Variants in FBXL13 observed in about 807,000 individuals in gnomAD.
FBXL13 encodes the protein F-box and leucine-rich repeat protein 13.
A neutral mutation model predicts 83.6 loss-of-function variants in FBXL13; 67 were observed. The ratio of observed to expected loss-of-function variants is 0.80; its 90% CI spans 0.66 to 0.98. FBXL13 has a LOEUF of 0.98. FBXL13 is among the 50% of genes least tolerant of loss of function. The pLI is 0.00. For missense variants in FBXL13, 822 were observed against 866.5 expected, an observed-to-expected ratio of 0.95 and a Z score of 0.64; for synonymous variants, 272 against 299.5, an observed-to-expected ratio of 0.91 and a Z score of 0.95.
intron 7 of FBXL13, among the ~76,000 whole-genome samples, chr7:102,964,233 C>T (rs937732140): frequency 6.6e-6 from 1 of 151,512 alleles, no homozygotes; most frequent in African/African-American, 2.4e-5. Flanking sequence ...ATTGCCTGAA[C>T]CTGAGAGGTG....
Position 102,813,537 on chromosome 7 carries a change from ATAACAG to A in FBXL13, c.2019-12_2019-7del. 1 of 1,613,476 alleles carries A rather than the reference ATAACAG, an allele frequency of 6.2e-7. No homozygotes were observed. The highest frequency in any genetic ancestry group is 8.5e-7 in the Non-Finnish European group (1 of 1,179,684). ...ACATTCTTTGAGCTGCCTTCCTGTA[ATAACAG>A]TGCTTAGCATTAGCTAGTTGCAGAA... On this transcript the variant is annotated splice_polypyrimidine_tract_variant and splice_region_variant and intron_variant, in intron 19 of 19. Coordinates refer to ENST00000313221, the Ensembl canonical transcript of FBXL13.
chr7:102,883,374 G>A (rs763961910), exon 14 of FBXL13: 2 of 1,613,758 alleles, frequency 1.2e-6, no homozygotes, highest in South Asian at 2.2e-5. Flanking sequence ...GCTGCTGTCT[G>A]TTATTCCCTT....
intron 16 of FBXL13, among the ~76,000 whole-genome samples, chr7:102,862,559 C>A (rs1454772459): frequency 6.6e-6 from 1 of 152,142 alleles, no homozygotes; most frequent in African/African-American, 2.4e-5. Flanking sequence ...CAACACAGTT[C>A]TGGTTAGTTT....
At chr7:102,947,224 A>T (rs1822680183) in intron 8 of FBXL13, among the ~76,000 whole-genome samples, 3 of 152,208 alleles carry the variant, frequency 2.0e-5, no homozygotes. Flanking sequence ...TGATGATGGA[A>T]AAAGCCTGGT....
chr7:103,065,567 C>G (rs1798316014), intron 1 of FBXL13, among the ~76,000 whole-genome samples: 1 of 152,090 alleles, frequency 6.6e-6, no homozygotes, highest in South Asian at 2.1e-4. Context: ...TAAAGAGATT[C>G]TAATAAAGAA....
At chr7:103,039,045 A>G (rs1795379652) in intron 2 of FBXL13, among the ~76,000 whole-genome samples, 1 of 152,214 alleles carries the variant, frequency 6.6e-6, no homozygotes. Flanking sequence ...GCATGTTCTA[A>G]CCCATCCCAA....
At chr7:103,005,975 T>C (rs543678909) in intron 6 of FBXL13, among the ~76,000 whole-genome samples, 1 of 152,192 alleles carries the variant, frequency 6.6e-6, no homozygotes, top group East Asian at 1.9e-4. Context: ...TACCAGGCTA[T>C]CCTTCCCAAT....
chr7:102,940,654 A>G (rs1821244088), intron 8 of FBXL13, among the ~76,000 whole-genome samples: 1 of 152,232 alleles, frequency 6.6e-6, no homozygotes, highest in African/African-American at 2.4e-5. Flanking sequence ...CCAGAGCCAG[A>G]CATATTATAT....
intron 8 of FBXL13, among the ~76,000 whole-genome samples, chr7:102,938,494 A>G (rs1463814815): frequency 6.6e-6 from 1 of 152,194 alleles, no homozygotes; most frequent in Non-Finnish European, 1.5e-5. Flanking sequence ...CCTCCTCAAA[A>G]TCAACAAGAT....
chr7:103,074,593 C>G (rs1799461404), upstream of FBXL13: 2 of 1,249,402 alleles, frequency 1.6e-6, no homozygotes, highest in Non-Finnish European at 2.1e-6. Context: ...CCACTCCTCC[C>G]CAATCCCGAA....
At chr7:102,908,634 A>T (rs1814146119) in intron 11 of FBXL13, among the ~76,000 whole-genome samples, 1 of 152,210 alleles carries the variant, frequency 6.6e-6, no homozygotes, top group African/African-American at 2.4e-5. Context: ...AAGCCCAGTA[A>T]TGCTGTGGTT....
exon 2 of FBXL13, chr7:103,055,661 A>G (rs75711176): frequency 0.07 from 88,258 of 1,269,898 alleles, 3,975 homozygotes; most frequent in East Asian, 0.28. Context: ...GATTCTGAAG[A>G]CCACTTTTGA....
intron 9 of FBXL13, 67 bp downstream of exon 10, chr7:102,931,814 A>T (rs368738037): frequency 2.1e-6 from 3 of 1,445,752 alleles, no homozygotes; most frequent in Non-Finnish European, 2.9e-6. Flanking sequence ...TCTATTCTGC[A>T]TATTGGCACC....
At chr7:103,038,443 G>C (rs1042246277) in intron 2 of FBXL13, among the ~76,000 whole-genome samples, 7 of 152,250 alleles carry the variant, frequency 4.6e-5, no homozygotes, top group African/African-American at 1.7e-4. Flanking sequence ...CTGTCTGACA[G>C]CTCTGAAGAG....
intron 6 of FBXL13, among the ~76,000 whole-genome samples, chr7:102,985,443 T>A (rs1828826456): frequency 6.6e-6 from 1 of 152,146 alleles, no homozygotes; most frequent in Non-Finnish European, 1.5e-5. Context: ...TGTGGATAGA[T>A]AACTAACCAA....
At chr7:103,066,791 A>AT (rs762824127) in intron 1 of FBXL13, among the ~76,000 whole-genome samples, 3,655 of 137,640 alleles carry the variant, frequency 0.027, 103 homozygotes, top group African/African-American at 0.069. Context: ...TTTTGTGAGG[A>AT]TTTTTTTTTT....
chr7:103,033,477 G>A (rs906848285), intron 2 of FBXL13, among the ~76,000 whole-genome samples: 3 of 152,244 alleles, frequency 2.0e-5, no homozygotes, highest in African/African-American at 7.2e-5. Context: ...CGTGTCTGGA[G>A]TTTGTTCCTT....
At chr7:102,944,227 A>G (rs770377860) in intron 8 of FBXL13, 2 of 1,608,042 alleles carry the variant, frequency 1.2e-6, no homozygotes, top group Non-Finnish European at 8.5e-7. Flanking sequence ...TTTAGGGCTC[A>G]CACATTTAGA....
Position 102,903,645 on chromosome 7 carries a change from AT to A in FBXL13, c.1008+9440del, listed in dbSNP as rs202004195. Reference sequence around the variant, plus strand: ...ATGAAGGGATATTGAATTTTTTTTAATTTTTTTTCTCTCCTGCTCCATAATG... The same window carrying A: ...ATGAAGGGATATTGAATTTTTTTTAATTTTTTTCTCTCCTGCTCCATAATG... On this transcript the variant is annotated intron_variant, in intron 11 of 19. Transcript: ENST00000313221. Among the ~76,000 whole-genome samples the A allele has an allele frequency of 3.8e-3, 568 of 151,026 alleles. 4 individuals are homozygous for A. Among genetic ancestry groups the A allele is most frequent in the African/African-American group, 0.014 (557 of 41,194 alleles).
Sources: allele counts gnomAD v4.1 joint callset (sites outside exome capture counted in the v4.1 genomes callset), GRCh38; gene constraint gnomAD v4.1.1; transcripts MANE v1.5; gene names NCBI Gene and HGNC (gene_info 2026-07-23, HGNC 2026-07-21).